Variants in NUP210 observed in about 807,000 individuals in gnomAD.
NUP210 encodes the protein nucleoporin 210, also known as nuclear pore membrane glycoprotein 210.
Under a neutral mutation model 196.0 loss-of-function variants are expected in NUP210, and 151 were observed. The observed-to-expected ratio is 0.77, with a 90% CI of 0.67 to 0.88. The LOEUF (loss-of-function observed/expected upper bound fraction) is 0.88. NUP210 is among the 40% of genes least tolerant of loss of function. The pLI is 0.00. For synonymous variants in NUP210, 1,070 were observed against 1,052.7 expected, an observed-to-expected ratio of 1.02 and a Z score of -0.32; for missense variants, 2,314 against 2,493.7, an observed-to-expected ratio of 0.93 and a Z score of 1.53.
intron 6 of NUP210, among the ~76,000 whole-genome samples, chr3:13,383,418 T>C (rs1331000825): frequency 1.3e-5 from 2 of 151,562 alleles, no homozygotes; most frequent in Non-Finnish European, 2.9e-5. Context: ...TTGATGTCTG[T>C]GGCAGGAAGG....
intron 6 of NUP210, among the ~76,000 whole-genome samples, chr3:13,384,208 G>C (rs1008977864): frequency 9.2e-5 from 14 of 152,288 alleles, no homozygotes; most frequent in African/African-American, 3.4e-4. Context: ...TGATCCGCCC[G>C]CCTCAGCCTC....
intron 32 of NUP210, 111 bp from the exon 33 acceptor site, chr3:13,326,042 T>C (rs1696738981): frequency 8.6e-6 from 12 of 1,400,542 alleles, no homozygotes; most frequent in Admixed American, 1.9e-5. Context: ...GCTACCCCCA[T>C]GGGGGCTCAC....
chr3:13,351,085 C>G (rs1697955359), intron 20 of NUP210, among the ~76,000 whole-genome samples: 2 of 152,254 alleles, frequency 1.3e-5, no homozygotes, highest in South Asian at 4.1e-4. Context: ...CAAAAGAAAG[C>G]ATTAGCAAAC....
intron 9 of NUP210, 138 bp downstream of exon 9, chr3:13,377,318 G>A: frequency 1.5e-6 from 1 of 649,604 alleles, no homozygotes. Context: ...CACAGACCCG[G>A]GAGCGCCACT....
chr3:13,382,363 C>T (rs960736801), intron 6 of NUP210, among the ~76,000 whole-genome samples: 2 of 152,188 alleles, frequency 1.3e-5, no homozygotes, highest in African/African-American at 4.8e-5. Context: ...GAGCCTGTCT[C>T]CTCCACTCAC....
chr3:13,337,248 G>T (rs960449100), intron 26 of NUP210, among the ~76,000 whole-genome samples: 2 of 152,172 alleles, frequency 1.3e-5, no homozygotes, highest in African/African-American at 2.4e-5. Flanking sequence ...GTTCCTCCGG[G>T]CCCCTCTCTC....
chr3:13,387,115 C>T (rs1221225510), intron 5 of NUP210, among the ~76,000 whole-genome samples: 3 of 152,288 alleles, frequency 2.0e-5, no homozygotes, highest in African/African-American at 7.2e-5. Flanking sequence ...GCGCAGCTGA[C>T]TGCCCTCCTG....
chr3:13,319,937 TCTC>T lies in NUP210; in HGVS notation c.5206_5208del (p.Glu1736del), dbSNP rs1193065146. On this transcript the variant is annotated inframe_deletion, in exon 37 of 40. Transcript: ENST00000254508. ...ATGAAGCTGGGCCACCCAAAAGACT[TCTC>T]CTTTGCGAATGCCAGCACGGCCGGG... is the stretch of plus-strand genomic sequence containing the variant. The T allele has an allele frequency of 5.0e-6, 8 of 1,614,070 alleles. No homozygotes were observed. Among genetic ancestry groups the T allele is most frequent in the Non-Finnish European group, 6.8e-6 (8 of 1,180,012 alleles).
In NUP210 at chr3:13,372,003, C is replaced by T. The variant is rs1317441521; in HGVS notation, c.1617G>A (p.Glu539=). Residue 539 remains glutamate, a synonymous_variant, in exon 13 of 40, where the codon GAG becomes GAA. Transcript: ENST00000254508. ...GTGCCTCCACCTGGCACGGGGCAAA[C>T]TCCATGCTGTGGGGCTCGATCACAT... ...KVYVIEPHSM[E]FAPCQVEARV... 6 of 1,591,282 alleles carry T rather than the reference C, an allele frequency of 3.8e-6. No homozygotes were observed. The East Asian group carries it at 1.1e-4, about 30-fold the overall frequency.
chr3:13,321,848 G>A lies in NUP210; in HGVS notation c.4916-13C>T. 2 of 1,600,260 alleles carry A rather than the reference G, an allele frequency of 1.2e-6. No individual in the cohort carries two copies. Among genetic ancestry groups the A allele is most frequent in the Non-Finnish European group, 1.7e-6 (2 of 1,178,536 alleles). ...CAGAAGTACTGGCCTGCGAAGACAA[G>A]GGTGTATTGTCTTGTCCCCTCTCCT... On this transcript the variant is annotated splice_polypyrimidine_tract_variant and intron_variant, in intron 35 of 39. Coordinates refer to ENST00000254508, the MANE Select transcript of NUP210 (RefSeq NM_024923.4).
At chr3:13,362,514 A>G (rs1329531918) in intron 14 of NUP210, among the ~76,000 whole-genome samples, 1 of 152,222 alleles carries the variant, frequency 6.6e-6, no homozygotes, top group Admixed American at 6.5e-5. Context: ...TGTTGTTTAT[A>G]AGCTACCCAG....
chr3:13,328,760 C>T lies in NUP210; in HGVS notation c.4286+11G>A, dbSNP rs748430775. 1.9e-6 allele frequency: 3 copies of T among 1,613,272 alleles called. No homozygotes were observed. Among genetic ancestry groups the T allele is most frequent in the Non-Finnish European group, 2.5e-6 (3 of 1,179,286 alleles). On this transcript the variant is annotated intron_variant, in intron 31 of 39. Coordinates refer to ENST00000254508, the MANE Select transcript of NUP210 (RefSeq NM_024923.4). Reference sequence around the variant, plus strand: ...ACTTCATAGGAGAAATGACCCTTGCCCACATCCTACCTGTTAGTGGCAAAG... The same window carrying T: ...ACTTCATAGGAGAAATGACCCTTGCTCACATCCTACCTGTTAGTGGCAAAG...
At chr3:13,336,973 C>A in intron 26 of NUP210, 55 bp from the exon 27 acceptor site, 1 of 1,605,816 alleles carries the variant, frequency 6.2e-7, no homozygotes, top group Non-Finnish European at 8.5e-7. Context: ...TGGGAATGCC[C>A]CCAGAAGCTT....
chr3:13,343,342 G>GGGGGGGGGGGGGGGGGGGGGGGGGC, intron 20 of NUP210, 39 bp from the exon 21 acceptor site: 4 of 655,990 alleles, frequency 6.1e-6, no homozygotes, highest in African/African-American at 4.1e-5. Flanking sequence ...TGGGTGGTGG[G>GGGGGGGGGGGGGGGGGGGGGGGGGC]TTACGCAGCT....
rs1330989712 is a variant in NUP210, at chr3:13,340,012, G to A, written c.3313C>T (p.Gln1105Ter). Residue 1105 changes from glutamine (Q) to a stop codon, truncating the protein, a stop_gained, in exon 25 of 40, where the codon CAG (glutamine) becomes TAG (stop). Coordinates refer to ENST00000254508, the MANE Select transcript of NUP210 (RefSeq NM_024923.4). LOFTEE classifies it high-confidence loss of function. The surrounding 1 kb of genome is among the most constrained non-coding windows in gnomAD (Gnocchi z 4.0). ...TMQVTSEGGP[Q>*]PQSNILFSIS... Reference sequence around the variant, plus strand: ...GAGAAAAGGATGTTGGACTGAGGCTGGGGGCCGCCCTCGGAGGTGACCTGA... The same window carrying A: ...GAGAAAAGGATGTTGGACTGAGGCTAGGGGCCGCCCTCGGAGGTGACCTGA... The A allele has an allele frequency of 6.2e-7, 1 of 1,613,924 alleles. No homozygotes were observed. Among genetic ancestry groups the A allele is most frequent in the South Asian group, 1.1e-5 (1 of 91,090 alleles).
intron 15 of NUP210, among the ~76,000 whole-genome samples, chr3:13,358,774 C>T (rs745731488): frequency 2.6e-5 from 4 of 152,264 alleles, no homozygotes; most frequent in Non-Finnish European, 4.4e-5. Flanking sequence ...ACCCATGGAA[C>T]GAGGAACAGA....
At chr3:13,339,757 CT>C in intron 25 of NUP210, 96 bp downstream of exon 25, 1 of 1,164,594 alleles carries the variant, frequency 8.6e-7, no homozygotes, top group Non-Finnish European at 1.3e-6. Context: ...AAGCAGCACC[CT>C]TGGAGAGGGG....
intron 36 of NUP210, 92 bp from the exon 37 acceptor site, chr3:13,320,071 C>A (rs1341104823): frequency 3.2e-5 from 36 of 1,140,444 alleles, no homozygotes; most frequent in Non-Finnish European, 4.3e-5. Context: ...GAGGGCTGCT[C>A]TGCATGGCCA....
intron 36 of NUP210, 46 bp from the exon 37 acceptor site, chr3:13,320,025 G>C (rs777403133): frequency 6.4e-7 from 1 of 1,565,566 alleles, no homozygotes; most frequent in Non-Finnish European, 8.7e-7. Flanking sequence ...GCAGAGTGGG[G>C]GGACCACTGA....
Sources: gnomAD v4.1 joint callset for allele counts (sites outside exome capture counted in the v4.1 genomes callset) on GRCh38, gnomAD v4.1.1 for gene constraint, Gnocchi (gnomAD v3.1) non-coding constraint, MANE v1.5 for transcripts, NCBI Gene and HGNC (gene_info 2026-07-23, HGNC 2026-07-21) for gene names.